Variants in NAV2 observed in about 807,000 individuals in gnomAD.
The protein encoded by NAV2 is neuron navigator 2.
A neutral mutation model predicts 223.2 loss-of-function variants in NAV2; 54 were observed. That is an observed-to-expected ratio of 0.24 (90% CI 0.19 to 0.30). The LOEUF is 0.30. NAV2 is among the 10% of genes least tolerant of loss of function. The pLI is 1.00. For missense variants in NAV2, 2,806 were observed against 3,147.5 expected, an observed-to-expected ratio of 0.89 and a Z score of 2.60; for synonymous variants, 1,279 against 1,239.3, an observed-to-expected ratio of 1.03 and a Z score of -0.67.
At chr11:19,509,902 C>A (rs2043226880) in intron 1 of NAV2, among the ~76,000 whole-genome samples, 1 of 152,052 alleles carries the variant, frequency 6.6e-6, no homozygotes, top group African/African-American at 2.4e-5. Context: ...CAGGCAGGGA[C>A]CCACCTTCAA....
intron 1 of NAV2, among the ~76,000 whole-genome samples, chr11:19,647,571 G>C (rs1379675321): frequency 6.6e-6 from 1 of 152,238 alleles, no homozygotes; most frequent in Admixed American, 6.5e-5. Context: ...GACATGTCAA[G>C]CTTCTGCAGC....
At chr11:19,896,316 ACT>A (rs2041980993) in intron 6 of NAV2, among the ~76,000 whole-genome samples, 1 of 152,038 alleles carries the variant, frequency 6.6e-6, no homozygotes, top group African/African-American at 2.4e-5. Context: ...TTAAACAATA[ACT>A]CTCCTTCACC....
At chr11:19,678,071 C>T (rs933902006) in intron 1 of NAV2, among the ~76,000 whole-genome samples, 13 of 152,226 alleles carry the variant, frequency 8.5e-5, no homozygotes, top group Admixed American at 2.0e-4. Flanking sequence ...GGAGAGGCTG[C>T]GCCGCAGGAA....
rs538048695 is a variant in NAV2, at chr11:19,934,425, G to C, written c.2033+148G>C. On this transcript the variant is annotated intron_variant, in intron 7 of 37. Coordinates refer to ENST00000349880, the MANE Select transcript of NAV2 (RefSeq NM_145117.5). ...GAAACCACGTGATGAACTCCTAAGA[G>C]AAGCAGACACAATGTGCTCCAGGGA... 1.1e-5 allele frequency: 11 copies of C among 961,304 alleles called. No individual in the cohort carries two copies. In the Admixed American group the frequency reaches 3.0e-4, roughly 27 times the overall value. The allele number at this position is 961,304 out of a possible 1,614,324, so 59.5% of individuals were successfully genotyped here.
intron 1 of NAV2, among the ~76,000 whole-genome samples, chr11:19,718,606 C>A (rs1246434405): frequency 7.2e-6 from 1 of 138,594 alleles, no homozygotes; most frequent in Admixed American, 7.2e-5. Flanking sequence ...TTGATTAGTG[C>A]ATTTTTCTGC....
chr11:20,121,484 T>C lies in NAV2; in HGVS notation c.*3226T>C, dbSNP rs1183765302. ...TTTAATTTTCATTTGTCATGAGGTT[T>C]TTGGATTTGCCAATGATCTGCTGGA... On this transcript the variant is annotated 3_prime_UTR_variant, in exon 38 of 38. Transcript: ENST00000349880. 2 of 152,664 alleles carry C rather than the reference T, an allele frequency of 1.3e-5. No individual in the cohort carries two copies. The highest frequency in any genetic ancestry group is 4.8e-5 in the African/African-American group (2 of 41,454). The allele number at this position is 152,664 out of a possible 1,614,324, so 9.5% of individuals were successfully genotyped here. A position where few individuals can be genotyped will look rare whatever the true frequency, so the allele number is the denominator to read the frequency against.
Position 19,545,202 on chromosome 11 carries a change from C to A in NAV2, c.75+194175C>A, listed in dbSNP as rs1032065160. Among the ~76,000 whole-genome samples the A allele has an allele frequency of 3.3e-5, 5 of 152,362 alleles. No homozygotes were observed. In the East Asian group the frequency reaches 9.6e-4, roughly 29 times the overall value. On this transcript the variant is annotated intron_variant, in intron 1 of 37. Transcript: ENST00000360655. Reference sequence around the variant, plus strand: ...ATTGGGCGCTCACAGGAGGGTCAAGCTGCTACCCAGACCTAACTGGCAACT... The same window carrying A: ...ATTGGGCGCTCACAGGAGGGTCAAGATGCTACCCAGACCTAACTGGCAACT...
intron 1 of NAV2, among the ~76,000 whole-genome samples, chr11:19,554,796 G>C (rs917221165): frequency 6.6e-6 from 1 of 151,932 alleles, no homozygotes; most frequent in African/African-American, 2.4e-5. Context: ...GAGAAACCCC[G>C]TCTCTACTAA....
intron 1 of NAV2, among the ~76,000 whole-genome samples, chr11:19,657,603 A>G (rs2048163424): frequency 6.6e-6 from 1 of 152,080 alleles, no homozygotes; most frequent in South Asian, 2.1e-4. Context: ...CTGTATTCTG[A>G]GAGGGTGAGG....
intron 1 of NAV2, among the ~76,000 whole-genome samples, chr11:19,516,077 G>A (rs2043436953): frequency 1.3e-5 from 2 of 152,244 alleles, no homozygotes; most frequent in Admixed American, 1.3e-4. Context: ...TTATGAGCAT[G>A]TAATTCAGGA....
Position 19,949,166 on chromosome 11 carries a change from C to T in NAV2, c.2645+86C>T. The T allele has an allele frequency of 4.9e-6, 7 of 1,431,342 alleles. No homozygotes were observed. The South Asian group carries it at 1.0e-4, about 21-fold the overall frequency. 88.7% of individuals were successfully genotyped at this position (1,431,342 alleles called of 1,614,324 possible). ...TTTTGTAGGGCTCTATTTGATTCTT[C>T]TGGAGGAGGTCAAACTGCCCACCTG... is the stretch of plus-strand genomic sequence containing the variant. On this transcript the variant is annotated intron_variant, in intron 10 of 37. Transcript: ENST00000349880.
intron 1 of NAV2, among the ~76,000 whole-genome samples, chr11:19,534,746 CTG>C (rs2044133647): frequency 6.6e-6 from 1 of 152,148 alleles, no homozygotes; most frequent in South Asian, 2.1e-4. Context: ...AGGAGGAAAA[CTG>C]AGAGACCTTG....
chr11:19,763,351 C>T (rs1253974608), intron 1 of NAV2, among the ~76,000 whole-genome samples: 3 of 152,332 alleles, frequency 2.0e-5, no homozygotes, highest in Middle Eastern at 3.4e-3. Context: ...AGATGAACAA[C>T]CTGCTTAGAA....
intron 7 of NAV2, among the ~76,000 whole-genome samples, chr11:19,937,890 A>C (rs2046049859): frequency 6.6e-6 from 1 of 152,222 alleles, no homozygotes; most frequent in Non-Finnish European, 1.5e-5. Context: ...ATCACATTTT[A>C]GCCAACAAGA....
At chr11:19,357,798 G>A (rs978435455) in intron 1 of NAV2, among the ~76,000 whole-genome samples, 3 of 152,144 alleles carry the variant, frequency 2.0e-5, no homozygotes, top group Non-Finnish European at 1.5e-5. Flanking sequence ...TAACTACTTC[G>A]ACTTCATCTT....
intron 1 of NAV2, among the ~76,000 whole-genome samples, chr11:19,821,131 A>G (rs376190625): frequency 1.1e-3 from 168 of 152,166 alleles, no homozygotes; most frequent in Middle Eastern, 6.8e-3. Context: ...GCGTGGTGGC[A>G]GGCACCTGTA....
intron 1 of NAV2, among the ~76,000 whole-genome samples, chr11:19,359,330 C>G (rs556112372): frequency 1.3e-5 from 2 of 152,144 alleles, no homozygotes; most frequent in African/African-American, 2.4e-5. Context: ...TCCCTGTCAC[C>G]CCCACTGTAG....
chr11:20,095,180 CA>C (rs1380798873), intron 29 of NAV2, among the ~76,000 whole-genome samples: 55 of 152,016 alleles, frequency 3.6e-4, no homozygotes, highest in African/African-American at 1.3e-3. Flanking sequence ...ACTTGATATG[CA>C]AAAATATGAC....
chr11:19,453,622 G>C (rs1016387013), intron 1 of NAV2, among the ~76,000 whole-genome samples: 2 of 152,254 alleles, frequency 1.3e-5, no homozygotes, highest in South Asian at 2.1e-4. Flanking sequence ...TGCCCCATCT[G>C]CTCCTGAACC....
Sources: allele counts gnomAD v4.1 joint callset (sites outside exome capture counted in the v4.1 genomes callset), GRCh38; gene constraint gnomAD v4.1.1; transcripts MANE v1.5; gene names NCBI Gene and HGNC (gene_info 2026-07-23, HGNC 2026-07-21).